The following CCDC57 variants were observed in gnomAD, a reference collection of about 807,000 sequenced individuals.
The protein encoded by CCDC57 is coiled-coil domain-containing protein 57.
Under a neutral mutation model 118.9 loss-of-function variants are expected in CCDC57, and 118 were observed. The ratio of observed to expected loss-of-function variants is 0.99; its 90% confidence interval spans 0.86 to 1.16. The LOEUF (loss-of-function observed/expected upper bound fraction) is 1.16. Among genes scored for constraint, CCDC57 ranks in the 50% most tolerant of loss-of-function variants. The pLI, the probability that CCDC57 is intolerant of heterozygous loss-of-function variation, is 0.00. For missense variants in CCDC57, 1,300 were observed against 1,320.7 expected (o/e 0.98, Z 0.24); for synonymous variants, 527 against 532.9 (o/e 0.99, Z 0.15).
chr17:82,161,452 C>T (rs1233837209), intron 14 of CCDC57, among the ~76,000 whole-genome samples: 1 of 152,198 alleles, frequency 6.6e-6, no homozygotes, highest in African/African-American at 2.4e-5. Context: ...GGAACTTACA[C>T]AGGAACATTC....
chr17:82,210,163 G>C (rs1256101541), intron 1 of CCDC57, among the ~76,000 whole-genome samples: 1 of 152,086 alleles, frequency 6.6e-6, no homozygotes, highest in Non-Finnish European at 1.5e-5. Flanking sequence ...ACGTGATAGC[G>C]ATGGGTTAGA....
chr17:82,129,750 C>T (rs2038046343), intron 17 of CCDC57, among the ~76,000 whole-genome samples: 1 of 152,032 alleles, frequency 6.6e-6, no homozygotes, highest in Non-Finnish European at 1.5e-5. Context: ...TCTCATATGG[C>T]ACCATTTACT....
chr17:82,149,524 T>A (rs2041555250), intron 16 of CCDC57, among the ~76,000 whole-genome samples: 1 of 152,090 alleles, frequency 6.6e-6, no homozygotes, highest in Non-Finnish European at 1.5e-5. Context: ...CGCACAGAAA[T>A]GCCGGCTGCT....
intron 18 of CCDC57, among the ~76,000 whole-genome samples, 164 bp from the exon 18 acceptor site, chr17:82,128,072 G>A (rs772369654): frequency 1.4e-4 from 22 of 152,118 alleles, no homozygotes; most frequent in Non-Finnish European, 4.4e-5. Context: ...CTGCAGACAG[G>A]GATGCATCCG....
chr17:82,142,607 C>T (rs62078310), intron 16 of CCDC57, among the ~76,000 whole-genome samples: 25,923 of 152,044 alleles, frequency 0.17, 2,551 homozygotes, highest in Non-Finnish European at 0.23. Context: ...CCGCTATGCC[C>T]GGCCTAGCAC....
At chr17:82,191,063 A>C (rs1255349328) in intron 7 of CCDC57, among the ~76,000 whole-genome samples, 1 of 151,988 alleles carries the variant, frequency 6.6e-6, no homozygotes, top group Non-Finnish European at 1.5e-5. Flanking sequence ...AGGATGTCCA[A>C]TGGTGCCAAT....
In CCDC57 at chr17:82,161,697, T is replaced by A. The variant is rs191161455; in HGVS notation, c.2040+1503A>T. 9.2e-4 allele frequency among the ~76,000 whole-genome samples: 140 copies of A among 152,100 alleles called. 1 individual carries two copies. Among genetic ancestry groups the A allele is most frequent in the African/African-American group, 3.3e-3 (135 of 41,480 alleles). ...TATGAGGTCCCTACAGTAGACAAAT[T>A]GATTGTGACGGGGGTGGAATACTTA... is the stretch of plus-strand genomic sequence containing the variant. On this transcript the variant is annotated intron_variant, in intron 14 of 19. Transcript: ENST00000665763.
At chr17:82,142,626 A>AGG (rs2040167361) in intron 16 of CCDC57, among the ~76,000 whole-genome samples, 2 of 152,176 alleles carry the variant, frequency 1.3e-5, no homozygotes, top group Non-Finnish European at 2.9e-5. Context: ...ACTGAAATTT[A>AGG]TAAAACATGA....
At chr17:82,169,394 G>A (rs2044393170) in intron 13 of CCDC57, among the ~76,000 whole-genome samples, 1 of 152,330 alleles carries the variant, frequency 6.6e-6, no homozygotes, top group African/African-American at 2.4e-5. Flanking sequence ...CTCCCAAAGT[G>A]CTGGGATTAC....
chr17:82,195,267 A>C (rs1192603856), exon 5 of CCDC57: 9 of 1,590,490 alleles, frequency 5.7e-6, no homozygotes, highest in African/African-American at 1.3e-5. Flanking sequence ...AGTTACCTTA[A>C]GCTCCCGGGA....
intron 5 of CCDC57, among the ~76,000 whole-genome samples, chr17:82,194,856 C>T (rs1301050408): frequency 6.6e-6 from 1 of 152,286 alleles, no homozygotes. Context: ...TGTTTCCCAG[C>T]CTGTAAGCCA....
intron 16 of CCDC57, among the ~76,000 whole-genome samples, chr17:82,151,061 C>A (rs1158531738): frequency 8.7e-6 from 1 of 114,710 alleles, no homozygotes; most frequent in African/African-American, 3.3e-5. Flanking sequence ...TGACCCGCAC[C>A]CAGAACCAGG....
At chr17:82,107,189 T>C (rs2144886647) in intron 19 of CCDC57, among the ~76,000 whole-genome samples, 1 of 152,290 alleles carries the variant, frequency 6.6e-6, no homozygotes, top group East Asian at 1.9e-4. Context: ...CACTCCCTCT[T>C]CTCCCCTGGA....
intron 16 of CCDC57, among the ~76,000 whole-genome samples, chr17:82,137,531 TAAG>T (rs1018297657): frequency 6.6e-6 from 1 of 152,210 alleles, no homozygotes; most frequent in Non-Finnish European, 1.5e-5. Context: ...CTCCTATGTT[TAAG>T]CTTTTTGTCA....
intron 16 of CCDC57, among the ~76,000 whole-genome samples, chr17:82,135,871 C>A (rs2039085482): frequency 6.6e-6 from 1 of 151,832 alleles, no homozygotes; most frequent in Non-Finnish European, 1.5e-5. Flanking sequence ...CTGGCGTGGG[C>A]AACACAGTGA....
chr17:82,132,909 G>A (rs2038619771), intron 17 of CCDC57, among the ~76,000 whole-genome samples: 2 of 152,086 alleles, frequency 1.3e-5, no homozygotes, highest in South Asian at 4.2e-4. Context: ...ACAGGCGAGT[G>A]CCACCATGCC....
At chr17:82,113,497 C>T in intron 19 of CCDC57, 1 of 717,616 alleles carries the variant, frequency 1.4e-6, no homozygotes, top group Non-Finnish European at 2.6e-6. Flanking sequence ...CACTGCAAGG[C>T]TGCTGTGATG....
At chr17:82,106,538 TCTC>T (rs2034858446) in intron 19 of CCDC57, 1 of 152,184 alleles carries the variant, frequency 6.6e-6, no homozygotes, top group Non-Finnish European at 1.5e-5. Flanking sequence ...ACCCCACCCT[TCTC>T]CTGCCTTTCA....
At chr17:82,184,037 A>G (rs868349121) in intron 8 of CCDC57, 105 bp from the exon 8 acceptor site, 19,196 of 315,580 alleles carry the variant, frequency 0.061, 644 homozygotes, top group Non-Finnish European at 0.079. Context: ...GCGCGCACAC[A>G]CACACACACA....
Sources: allele counts gnomAD v4.1 joint callset (sites outside exome capture counted in the v4.1 genomes callset), GRCh38; gene constraint gnomAD v4.1.1; transcripts MANE v1.5; gene names NCBI Gene and HGNC (gene_info 2026-07-23, HGNC 2026-07-21).